The following PAX2 variants were observed in gnomAD, a reference collection of about 807,000 sequenced individuals.
The protein encoded by PAX2 is paired box protein Pax-2.
PAX2 carries 9 observed loss-of-function variants against 41.7 expected under a neutral mutation model. The observed-to-expected ratio is 0.22, with a 90% CI of 0.13 to 0.38. PAX2 has a LOEUF of 0.38. PAX2 is among the 10% of genes least tolerant of loss of function. PAX2 has a pLI of 1.00. For synonymous variants in PAX2, 221 were observed against 212.7 expected (o/e 1.04, Z -0.34); for missense variants, 418 against 531.6 (o/e 0.79, Z 2.10).
rs1845377503 is a variant in PAX2, at chr10:100,750,080, G to A, written c.212+166G>A. ...CTTTTGGAGAGAGTGTTCAGATGGT[G>A]GCTGAAGACCCAGGAGCGAGGGTGG... is the stretch of plus-strand genomic sequence containing the variant. On this transcript the variant is annotated intron_variant, in intron 2 of 9. Transcript: ENST00000355243. The surrounding 1 kb of genome is among the most constrained non-coding windows in gnomAD (Gnocchi z 4.1). Among the ~76,000 whole-genome samples the A allele has an allele frequency of 6.6e-6, 1 of 152,218 alleles. No individual in the cohort carries two copies. Among genetic ancestry groups the A allele is most frequent in the South Asian group, 2.1e-4 (1 of 4,836 alleles).
chr10:100,738,387 A>G (rs1844843599), intron 1 of PAX2, among the ~76,000 whole-genome samples: 2 of 152,100 alleles, frequency 1.3e-5, no homozygotes, highest in South Asian at 4.1e-4. Context: ...AAAGGGAGAG[A>G]GGGAGGGGGA....
intron 3 of PAX2, among the ~76,000 whole-genome samples, chr10:100,757,149 G>T (rs1022694788): frequency 6.6e-6 from 1 of 152,178 alleles, no homozygotes; most frequent in African/African-American, 2.4e-5. Flanking sequence ...TCTTCTGTGC[G>T]TGTGGATTTG....
rs762769258 is a variant in PAX2 at position 100,824,964 on chromosome 10, C to T, written c.1021+215C>T. On this transcript the variant is annotated intron_variant, in intron 8 of 9. Coordinates refer to ENST00000355243, the MANE Select transcript of PAX2 (RefSeq NM_000278.5). This position sits in a 1 kb window ranked among gnomAD's most constrained non-coding sequence, Gnocchi z 6.6. The stretch of plus-strand genomic sequence containing the variant: ...GCCGGGGAGGAAGCTTGCAGAAGTG[C>T]CCCCTTGTGTGCAACCCACTGTATG... 1.2e-6 allele frequency: 2 copies of T among 1,613,830 alleles called. No individual in the cohort carries two copies. The highest frequency in any genetic ancestry group is 1.7e-6 in the Non-Finnish European group (2 of 1,179,810).
In PAX2 at chr10:100,772,482, T is replaced by C. The variant is rs751135581; in HGVS notation, c.411-7016T>C. On this transcript the variant is annotated intron_variant, in intron 3 of 9. Transcript: ENST00000355243. ...AATATCATTTTGTTCTCTAGGATGA[T>C]TGAGTTTATAATGCCCAGGCAGTCT... Among the ~76,000 whole-genome samples, 11 of 152,324 alleles carry C rather than the reference T, an allele frequency of 7.2e-5. No individual in the cohort carries two copies. The South Asian group carries it at 2.3e-3, about 32-fold the overall frequency.
intron 5 of PAX2, among the ~76,000 whole-genome samples, chr10:100,798,605 T>C (rs1847421718): frequency 1.3e-5 from 2 of 151,766 alleles, no homozygotes; most frequent in Admixed American, 6.6e-5. Flanking sequence ...TCCTATCTAT[T>C]CCTCCCTCAC....
chr10:100,814,351 C>CAAAAAAA (rs11458573), intron 7 of PAX2, among the ~76,000 whole-genome samples: 15 of 53,692 alleles, frequency 2.8e-4, no homozygotes, highest in Admixed American at 6.3e-4. Flanking sequence ...GACTCCATCT[C>CAAAAAAA]AAAAAAAAAA....
chr10:100,821,238 A>G (rs1009325718), intron 7 of PAX2, among the ~76,000 whole-genome samples: 2 of 152,124 alleles, frequency 1.3e-5, no homozygotes, highest in African/African-American at 2.4e-5. Context: ...AGTTTGGTCA[A>G]TTTTTTCTGC....
intron 3 of PAX2, among the ~76,000 whole-genome samples, chr10:100,775,064 G>A (rs752101903): frequency 3.3e-5 from 5 of 151,978 alleles, no homozygotes; most frequent in Admixed American, 2.6e-4. Flanking sequence ...CAGTGGAAAT[G>A]GAAAAATGAC....
rs578210496 is a variant in PAX2, at chr10:100,738,280, C to T, written c.25+2547C>T. Reference sequence around the variant, plus strand: ...CCCTCTTTTGCCAGGCCTCCTCACCCCGTTATTAACTGCTGTGTTGACCTG... The same window carrying T: ...CCCTCTTTTGCCAGGCCTCCTCACCTCGTTATTAACTGCTGTGTTGACCTG... On this transcript the variant is annotated intron_variant, in intron 1 of 9. Transcript: ENST00000679374. Among the ~76,000 whole-genome samples, 11 of 152,358 alleles carry T rather than the reference C, an allele frequency of 7.2e-5. No individual in the cohort carries two copies. The South Asian group carries it at 2.1e-3, about 29-fold the overall frequency.
At chr10:100,798,864 G>A (rs1847432686) in intron 5 of PAX2, among the ~76,000 whole-genome samples, 1 of 152,232 alleles carries the variant, frequency 6.6e-6, no homozygotes, top group South Asian at 2.1e-4. Context: ...CACCTCCCTG[G>A]TCCTGCTGTG....
In PAX2 at chr10:100,826,950, C is replaced by T; in HGVS notation, c.1022-59C>T. On this transcript the variant is annotated intron_variant, in intron 8 of 9. Coordinates refer to ENST00000355243, the MANE Select transcript of PAX2 (RefSeq NM_000278.5). This position sits in a 1 kb window ranked among gnomAD's most constrained non-coding sequence, Gnocchi z 5.5. The stretch of plus-strand genomic sequence containing the variant: ...GCGGGCGGAGAAGCCACCGGCCGGA[C>T]TCGTGGGGTCCGCCCTGGCTTGCAG... 8.3e-7 allele frequency: 1 copy of T among 1,210,506 alleles called. No homozygotes were observed. The highest frequency in any genetic ancestry group is 1.2e-6 in the Non-Finnish European group (1 of 817,582). The allele number at this position is 1,210,506 out of a possible 1,614,324, so 75.0% of individuals were successfully genotyped here. A position where few individuals can be genotyped will look rare whatever the true frequency, so the allele number is the denominator to read the frequency against.
chr10:100,746,283 AC>A lies in PAX2; in HGVS notation c.27del (p.Phe10SerfsTer11). 1 of 1,611,548 alleles carries A rather than the reference AC, an allele frequency of 6.2e-7. No homozygotes were observed. The highest frequency in any genetic ancestry group is 8.5e-7 in the Non-Finnish European group (1 of 1,178,384). The part of the protein sequence containing the change: MDMHCKA[D>X]PFSAMHPGHG... ...CCCATGGATATGCACTGCAAAGCAG[AC>A]CCCTTCTCCGCGATGCACCGTGAGT... On this transcript the variant is annotated frameshift_variant, in exon 1 of 10. Transcript: ENST00000355243. LOFTEE classifies it high-confidence loss of function.
chr10:100,810,573 T>G (rs1476404834), intron 7 of PAX2, among the ~76,000 whole-genome samples: 1 of 152,186 alleles, frequency 6.6e-6, no homozygotes, highest in Non-Finnish European at 1.5e-5. Flanking sequence ...TCTGACCTGC[T>G]AGGTATTCTG....
intron 3 of PAX2, among the ~76,000 whole-genome samples, chr10:100,754,821 A>G (rs984333433): frequency 1.3e-5 from 2 of 152,210 alleles, no homozygotes; most frequent in Non-Finnish European, 2.9e-5. Context: ...CTGGCTTGGC[A>G]TGAAGCTTGG....
At chr10:100,783,976 G>T (rs887764353) in intron 5 of PAX2, among the ~76,000 whole-genome samples, 5 of 152,064 alleles carry the variant, frequency 3.3e-5, no homozygotes, top group African/African-American at 9.7e-5. Context: ...CCTGGTGGAG[G>T]CCTGGCCTAT....
At chr10:100,767,784 G>A (rs957825157) in intron 3 of PAX2, among the ~76,000 whole-genome samples, 3 of 152,130 alleles carry the variant, frequency 2.0e-5, no homozygotes, top group African/African-American at 7.2e-5. Context: ...TCAAACAACT[G>A]TTATGGAGCG....
intron 5 of PAX2, among the ~76,000 whole-genome samples, chr10:100,789,414 T>C (rs952460103): frequency 1.3e-5 from 2 of 152,228 alleles, no homozygotes; most frequent in Non-Finnish European, 2.9e-5. Flanking sequence ...CCTGAGTTTG[T>C]GCTTCTCTAA....
upstream of PAX2, among the ~76,000 whole-genome samples, chr10:100,742,793 G>A (rs564775192): frequency 1.4e-5 from 2 of 145,514 alleles, no homozygotes; most frequent in Admixed American, 6.9e-5. Context: ...GTTTGGGGTT[G>A]GGTTGTTTTC....
chr10:100,777,674 C>A (rs1194248132), intron 3 of PAX2, among the ~76,000 whole-genome samples: 1 of 152,200 alleles, frequency 6.6e-6, no homozygotes, highest in African/African-American at 2.4e-5. Context: ...GGATTACAGG[C>A]GTGAGCCACT....
Sources: gnomAD v4.1 joint callset for allele counts (sites outside exome capture counted in the v4.1 genomes callset) on GRCh38, gnomAD v4.1.1 for gene constraint, Gnocchi (gnomAD v3.1) non-coding constraint, MANE v1.5 for transcripts, NCBI Gene and HGNC (gene_info 2026-07-23, HGNC 2026-07-21) for gene names.